The following CYFIP2 variants were observed in gnomAD, a reference collection of about 807,000 sequenced individuals.
CYFIP2 encodes the protein cytoplasmic FMR1 interacting protein 2, also known as cytoplasmic FMR1-interacting protein 2.
In CYFIP2, 29 loss-of-function variants were observed where a neutral mutation model predicts 158.7. The ratio of observed to expected loss-of-function variants is 0.18; its 90% CI spans 0.14 to 0.25. The LOEUF (loss-of-function observed/expected upper bound fraction) is 0.25. Among genes scored for constraint, CYFIP2 ranks in the 10% least tolerant of loss-of-function variants. CYFIP2 has a pLI of 1.00. For missense variants in CYFIP2, 852 were observed against 1,639.5 expected, an observed-to-expected ratio of 0.52 and a Z score of 8.29; for synonymous variants, 585 against 617.6, an observed-to-expected ratio of 0.95 and a Z score of 0.78.
chr5:157,269,774 A>G (rs1327633403), intron 1 of CYFIP2, among the ~76,000 whole-genome samples: 1 of 152,232 alleles, frequency 6.6e-6, no homozygotes, highest in African/African-American at 2.4e-5. Context: ...GGAAGCTTAA[A>G]GGCACTTTGT....
At position 157,315,315 on chromosome 5, in the gene CYFIP2, GA is replaced by G. The variant is rs57338866; in HGVS notation, c.1356+230del. 1.9e-3 allele frequency among the ~76,000 whole-genome samples: 280 copies of G among 148,650 alleles called. 1 individual carries two copies. Among genetic ancestry groups the G allele is most frequent in the Non-Finnish European group, 3.6e-3 (238 of 66,804 alleles). ...CCAAAGAAAAACATCCATTCCACTG[GA>G]AAAAAAAACGGGCACAAAGAAACCA... On this transcript the variant is annotated intron_variant, in intron 13 of 30. Transcript: ENST00000620254.
chr5:157,323,047 G>T, intron 15 of CYFIP2: 2 of 1,534,860 alleles, frequency 1.3e-6, no homozygotes, highest in Non-Finnish European at 1.7e-6. Context: ...GTTGGTTTGG[G>T]TACCCTTCTC....
intron 1 of CYFIP2, among the ~76,000 whole-genome samples, chr5:157,281,975 C>T (rs1175943856): frequency 1.3e-5 from 2 of 152,082 alleles, no homozygotes; most frequent in Non-Finnish European, 2.9e-5. Flanking sequence ...GGAGATCACC[C>T]GTAGTTGCAT....
intron 28 of CYFIP2, among the ~76,000 whole-genome samples, chr5:157,386,927 TAAAA>T (rs554742130): frequency 6.0e-5 from 8 of 132,430 alleles, no homozygotes; most frequent in Admixed American, 7.5e-5. Context: ...CTCGAAGATT[TAAAA>T]AAAAAAAAAA....
chr5:157,273,943 T>C (rs1166188790), intron 1 of CYFIP2, among the ~76,000 whole-genome samples: 1 of 152,086 alleles, frequency 6.6e-6, no homozygotes, highest in African/African-American at 2.4e-5. Context: ...GAGACCAGCC[T>C]GGCCAACATG....
At chr5:157,317,686 T>C (rs895970563) in intron 13 of CYFIP2, among the ~76,000 whole-genome samples, 3 of 152,228 alleles carry the variant, frequency 2.0e-5, no homozygotes, top group African/African-American at 7.2e-5. Flanking sequence ...CTAATGTGAA[T>C]CCATTTATTT....
intron 26 of CYFIP2, chr5:157,376,720 G>A (rs1370587381): frequency 6.7e-6 from 2 of 296,934 alleles, no homozygotes; most frequent in Non-Finnish European, 1.4e-5. Flanking sequence ...CTCCGGAAGG[G>A]TCTTGGTCAC....
At chr5:157,389,826 T>A (rs989657548) in intron 29 of CYFIP2, among the ~76,000 whole-genome samples, 4 of 151,940 alleles carry the variant, frequency 2.6e-5, no homozygotes, top group Non-Finnish European at 5.9e-5. Flanking sequence ...CTGGAGAAAG[T>A]GGTGTTGATG....
Position 157,311,919 on chromosome 5 carries a change from C to A in CYFIP2, c.1110+138C>A. On this transcript the variant is annotated intron_variant, in intron 11 of 30. Coordinates refer to ENST00000620254, the MANE Select transcript of CYFIP2 (RefSeq NM_001037333.3). This position sits in a 1 kb window ranked among gnomAD's most constrained non-coding sequence, Gnocchi z 4.7. ...GGCAGGAGGGTAAAGTGGCCAACAG[C>A]AGGGGTTTTGGAGCCAGGCAGACTG... 1 of 774,138 alleles carries A rather than the reference C, an allele frequency of 1.3e-6. No individual in the cohort carries two copies. The highest frequency in any genetic ancestry group is 2.1e-6 in the Non-Finnish European group (1 of 481,726). The allele number at this position is 774,138 out of a possible 1,614,324, so 48.0% of individuals were successfully genotyped here. A position where few individuals can be genotyped will look rare whatever the true frequency, so the allele number is the denominator to read the frequency against.
chr5:157,380,405 G>A (rs756165925), intron 26 of CYFIP2, among the ~76,000 whole-genome samples: 4 of 152,260 alleles, frequency 2.6e-5, no homozygotes, highest in East Asian at 1.9e-4. Flanking sequence ...AAGTTAGTCC[G>A]GCCTCTGCCC....
intron 11 of CYFIP2, among the ~76,000 whole-genome samples, chr5:157,312,834 A>C (rs1267981095): frequency 6.6e-6 from 1 of 152,256 alleles, no homozygotes; most frequent in African/African-American, 2.4e-5. Context: ...AGTTACAGGA[A>C]TAACTTATTT....
chr5:157,358,862 T>G (rs1763601686), intron 23 of CYFIP2, 143 bp from the exon 24 acceptor site: 2 of 1,060,882 alleles, frequency 1.9e-6, no homozygotes, highest in African/African-American at 3.1e-5. Context: ...TGACCACCAT[T>G]TTGCAAACAT....
chr5:157,373,205 G>T (rs1024327951), intron 26 of CYFIP2, among the ~76,000 whole-genome samples: 1 of 152,116 alleles, frequency 6.6e-6, no homozygotes, highest in Non-Finnish European at 1.5e-5. Flanking sequence ...TCTCTGCCTG[G>T]CTGCACAACC....
chr5:157,296,591 C>A, intron 4 of CYFIP2, 82 bp from the exon 5 acceptor site: 1 of 1,335,642 alleles, frequency 7.5e-7, no homozygotes, highest in Non-Finnish European at 1.1e-6. Flanking sequence ...AAGACCCTGT[C>A]TCAAAAACAA....
At chr5:157,339,394 T>C in intron 22 of CYFIP2, 138 bp downstream of exon 22, 1 of 729,894 alleles carries the variant, frequency 1.4e-6, no homozygotes. Context: ...GCACAGGCTT[T>C]GTGCTGTCTC....
At chr5:157,306,823 A>T (rs1298765208) in intron 8 of CYFIP2, among the ~76,000 whole-genome samples, 1 of 150,550 alleles carries the variant, frequency 6.6e-6, no homozygotes, top group Non-Finnish European at 1.5e-5. Context: ...TTGAGGCTGC[A>T]GTGAGCTGTG....
intron 26 of CYFIP2, among the ~76,000 whole-genome samples, chr5:157,369,020 T>C (rs1331643115): frequency 1.3e-5 from 2 of 151,356 alleles, no homozygotes; most frequent in African/African-American, 2.4e-5. Context: ...TCCCTCAGCC[T>C]CCCAAGTAGC....
At position 157,391,132 on chromosome 5, in the gene CYFIP2, G is replaced by A. The variant is rs564688359; in HGVS notation, c.3594+464G>A. Among the ~76,000 whole-genome samples, 19 of 151,958 alleles carry A rather than the reference G, an allele frequency of 1.3e-4. No individual in the cohort carries two copies. In the South Asian group the frequency reaches 3.1e-3, roughly 25 times the overall value. ...GTCTGGGCTGACTCCAGAATGGCCC[G>A]CAGCAAAGAACCAAGCAGCAAAGGT... On this transcript the variant is annotated intron_variant, in intron 30 of 30. Transcript: ENST00000620254.
rs1346662845 is a variant in CYFIP2 at position 157,371,429 on chromosome 5, G to A, written c.3039+9831G>A. 3.3e-5 allele frequency among the ~76,000 whole-genome samples: 5 copies of A among 152,162 alleles called. No individual in the cohort carries two copies. The East Asian group carries it at 7.7e-4, about 23-fold the overall frequency. ...TTAAAGGTTAAGAAAATACTGGTTT[G>A]ATGATGCTCTTTAGGAAATCAGCTA... On this transcript the variant is annotated intron_variant, in intron 26 of 30. Coordinates refer to ENST00000620254, the MANE Select transcript of CYFIP2 (RefSeq NM_001037333.3).
Sources: gnomAD v4.1 joint callset for allele counts (sites outside exome capture counted in the v4.1 genomes callset) on GRCh38, gnomAD v4.1.1 for gene constraint, Gnocchi (gnomAD v3.1) non-coding constraint, MANE v1.5 for transcripts, NCBI Gene and HGNC (gene_info 2026-07-23, HGNC 2026-07-21) for gene names.